IL1RAP: variants seen among roughly 807,000 people sequenced by gnomAD.
IL1RAP encodes the protein interleukin 1 receptor accessory protein, also known as interleukin-1 receptor accessory protein.
IL1RAP carries 35 observed loss-of-function variants against 60.7 expected under a neutral mutation model. The observed-to-expected ratio is 0.58, with a 90% CI of 0.44 to 0.76. IL1RAP has a LOEUF of 0.76. IL1RAP is among the 30% of genes least tolerant of loss of function. The pLI, the probability that IL1RAP is intolerant of heterozygous loss-of-function variation, is 0.00. For missense variants in IL1RAP, 572 were observed against 693.9 expected (o/e 0.82, Z 1.97); for synonymous variants, 268 against 250.9 (o/e 1.07, Z -0.64).
At chr3:190,616,203 C>T (rs979052964) in intron 5 of IL1RAP, among the ~76,000 whole-genome samples, 3 of 152,144 alleles carry the variant, frequency 2.0e-5, no homozygotes, top group African/African-American at 2.4e-5. Context: ...CTCTGTACTT[C>T]GATAGCACTT....
intron 6 of IL1RAP, among the ~76,000 whole-genome samples, chr3:190,621,758 T>C (rs1197802047): frequency 6.6e-6 from 1 of 152,180 alleles, no homozygotes; most frequent in Non-Finnish European, 1.5e-5. Flanking sequence ...TTATCCTCAT[T>C]TTAGAGTTAT....
At chr3:190,538,864 T>C (rs929811424) in intron 1 of IL1RAP, among the ~76,000 whole-genome samples, 1 of 152,104 alleles carries the variant, frequency 6.6e-6, no homozygotes, top group African/African-American at 2.4e-5. Context: ...CTCTCCCCTG[T>C]TTTGCTCAGT....
Position 190,604,376 on chromosome 3 carries a change from C to G in IL1RAP, c.313C>G (p.Leu105Val). 1 of 1,613,760 alleles carries G rather than the reference C, an allele frequency of 6.2e-7. No individual in the cohort carries two copies. The highest frequency in any genetic ancestry group is 8.5e-7 in the Non-Finnish European group (1 of 1,179,972). ...EKDVLWFRPT[L>V]LNDTGNYTCM... is the part of the protein sequence containing the mutation. ...AGATGTGCTGTGGTTCCGGCCCACT[C>G]TCCTCAATGACACTGGCAACTATAC... Residue 105 changes from leucine to valine, a missense_variant, in exon 4 of 12, where the codon CTC becomes GTC. Physicochemically the swap from Leu to Val is conservative, Grantham distance 32. Transcript: ENST00000447382.
chr3:190,549,398 A>G (rs770039390), intron 1 of IL1RAP, among the ~76,000 whole-genome samples: 1 of 151,902 alleles, frequency 6.6e-6, no homozygotes, highest in Non-Finnish European at 1.5e-5. Context: ...CTTCCTGCTG[A>G]CAGGGGGTGC....
At chr3:190,534,283 T>TTG (rs980895113) in intron 1 of IL1RAP, among the ~76,000 whole-genome samples, 14 of 152,050 alleles carry the variant, frequency 9.2e-5, no homozygotes. Context: ...ATTTTTTTTT[T>TTG]TTAATGTAAT....
In IL1RAP at chr3:190,648,686, C is replaced by T. The variant is rs1196098452; in HGVS notation, c.1694C>T (p.Ser565Leu). The change falls in exon 12 of 12, where the codon TCA becomes TTA. Residue 565 changes from serine to leucine, a missense_variant. Transcript: ENST00000447382. ...SSSDEQGLSYSSLKNV is the reference protein window; with the variant it reads ...SSSDEQGLSYLSLKNV Reference sequence around the variant, plus strand: ...AGTGATGAGCAGGGCCTCTCGTATTCATCTTTGAAAAATGTATGAAAGGAA... The same window carrying T: ...AGTGATGAGCAGGGCCTCTCGTATTTATCTTTGAAAAATGTATGAAAGGAA... 6.2e-7 allele frequency: 1 copy of T among 1,609,196 alleles called. No individual in the cohort carries two copies. The highest frequency in any genetic ancestry group is 1.7e-5 in the Admixed American group (1 of 58,626).
chr3:190,527,144 ACAG>A (rs1045578864), intron 1 of IL1RAP, among the ~76,000 whole-genome samples: 5 of 152,158 alleles, frequency 3.3e-5, no homozygotes, highest in African/African-American at 1.2e-4. Flanking sequence ...CAAGGAAAAA[ACAG>A]CAGAAGACTA....
chr3:190,568,629 G>C (rs1726631922), intron 3 of IL1RAP, among the ~76,000 whole-genome samples: 1 of 152,160 alleles, frequency 6.6e-6, no homozygotes, highest in Admixed American at 6.6e-5. Context: ...TGACAGTAAA[G>C]GGGTCATTTC....
intron 7 of IL1RAP, chr3:190,624,650 G>C: frequency 4.9e-6 from 1 of 204,926 alleles, no homozygotes; most frequent in East Asian, 1.1e-4. Flanking sequence ...GAGGTATGTA[G>C]TTGTTCATGG....
rs1732398983 is a variant in IL1RAP, at chr3:190,627,399, T to C, written c.852T>C (p.Ile284=). 6.2e-7 allele frequency: 1 copy of C among 1,613,684 alleles called. No homozygotes were observed. The highest frequency in any genetic ancestry group is 1.3e-5 in the African/African-American group (1 of 74,844). ...MDSRNEVWWT[I]DGKKPDDITI... is the part of the protein sequence containing the mutation. Reference sequence around the variant, plus strand: ...CTCGCAATGAGGTTTGGTGGACCATTGATGGAAAAAAACCTGATGACATCA... The same window carrying C: ...CTCGCAATGAGGTTTGGTGGACCATCGATGGAAAAAAACCTGATGACATCA... The change falls in exon 8 of 12, where the codon ATT becomes ATC. Residue 284 remains isoleucine (I), a synonymous_variant. Transcript: ENST00000447382.
Position 190,648,471 on chromosome 3 carries a change from G to A in IL1RAP, c.1479G>A (p.Arg493=), listed in dbSNP as rs1227584904. 2 of 1,613,966 alleles carry A rather than the reference G, an allele frequency of 1.2e-6. No individual in the cohort carries two copies. Among genetic ancestry groups the A allele is most frequent in the East Asian group, 2.2e-5 (1 of 44,878 alleles). ...LKAGLENMAS[R]GNINVILVQY... is the part of the protein sequence containing the mutation. The stretch of plus-strand genomic sequence containing the variant: ...CTGGCCTAGAAAATATGGCCTCTCG[G>A]GGCAACATCAACGTCATTTTAGTAC... Residue 493 remains arginine (R), a synonymous_variant, in exon 12 of 12, where the codon CGG becomes CGA. Transcript: ENST00000447382.
At chr3:190,586,057 A>T (rs1029894895) in intron 3 of IL1RAP, among the ~76,000 whole-genome samples, 14 of 152,102 alleles carry the variant, frequency 9.2e-5, no homozygotes, top group African/African-American at 3.4e-4. Flanking sequence ...GTCAGTGCAC[A>T]TTCTATGCAT....
intron 1 of IL1RAP, among the ~76,000 whole-genome samples, chr3:190,551,682 C>A (rs1724879521): frequency 6.6e-6 from 1 of 152,136 alleles, no homozygotes; most frequent in Non-Finnish European, 1.5e-5. Flanking sequence ...GTTACAATCT[C>A]CAAAGTTATC....
At chr3:190,515,645 G>A (rs1303011330) in intron 1 of IL1RAP, among the ~76,000 whole-genome samples, 3 of 152,018 alleles carry the variant, frequency 2.0e-5, no homozygotes, top group African/African-American at 7.3e-5. Context: ...CCTCAGGCCT[G>A]TGAACTGCCC....
chr3:190,570,282 T>C (rs1726797777), intron 3 of IL1RAP, among the ~76,000 whole-genome samples: 1 of 152,174 alleles, frequency 6.6e-6, no homozygotes, highest in South Asian at 2.1e-4. Context: ...TGCCTTTGCG[T>C]GTTTTAGAGA....
chr3:190,580,194 G>C (rs1281206618), intron 3 of IL1RAP, among the ~76,000 whole-genome samples: 1 of 152,180 alleles, frequency 6.6e-6, no homozygotes, highest in African/African-American at 2.4e-5. Context: ...TCTTTTTGAA[G>C]TATTTTGAAG....
intron 1 of IL1RAP, among the ~76,000 whole-genome samples, chr3:190,555,059 T>G (rs1389719295): frequency 6.6e-6 from 1 of 152,170 alleles, no homozygotes; most frequent in Non-Finnish European, 1.5e-5. Context: ...ACCATCCTTT[T>G]GAATTAGAGA....
intron 1 of IL1RAP, among the ~76,000 whole-genome samples, chr3:190,516,687 T>G (rs1249104218): frequency 1.3e-5 from 2 of 152,110 alleles, no homozygotes; most frequent in African/African-American, 4.8e-5. Context: ...TTGAGCAGTT[T>G]ATTTAATCAT....
intron 4 of IL1RAP, among the ~76,000 whole-genome samples, chr3:190,605,751 C>T (rs1349451833): frequency 6.6e-6 from 1 of 152,080 alleles, no homozygotes; most frequent in Non-Finnish European, 1.5e-5. Context: ...GTCTTAATCT[C>T]GTCTTCTGAT....
Sources: allele counts gnomAD v4.1 joint callset (sites outside exome capture counted in the v4.1 genomes callset), GRCh38; gene constraint gnomAD v4.1.1; transcripts MANE v1.5; gene names NCBI Gene and HGNC (gene_info 2026-07-23, HGNC 2026-07-21).